The following PRKD1 variants were observed in gnomAD, a reference collection of about 807,000 sequenced individuals.
The protein encoded by PRKD1 is protein kinase D1, also known as serine/threonine-protein kinase D1.
A neutral mutation model predicts 95.9 loss-of-function variants in PRKD1; 63 were observed. That is an observed-to-expected ratio of 0.66 (90% confidence interval 0.54 to 0.81). The LOEUF is 0.81. PRKD1 is among the 30% of genes least tolerant of loss of function. The pLI, the probability that PRKD1 is intolerant of heterozygous loss-of-function variation, is 0.00. For synonymous variants in PRKD1, 425 were observed against 423.1 expected, an observed-to-expected ratio of 1.00 and a Z score of -0.05; for missense variants, 1,048 against 1,165.3, an observed-to-expected ratio of 0.90 and a Z score of 1.47.
In PRKD1 at chr14:29,578,303, T is replaced by C. The variant is rs747255084; in HGVS notation, c.2492A>G (p.Asp831Gly). The change falls in exon 17 of 18, where the codon GAT (aspartate) becomes GGT (glycine). Residue 831 changes from aspartate (D) to glycine (G), a missense_variant. This residue lies in a region of PRKD1 where 739 missense variants were observed against 861.9 expected (regional missense o/e 0.86). Coordinates refer to ENST00000331968, the MANE Select transcript of PRKD1 (RefSeq NM_002742.3). ...QVKMRKRYSVDKTLSHPWLQD... is the reference protein window; with the variant it reads ...QVKMRKRYSVGKTLSHPWLQD... ...TAGCCAAGGGTGGCTCAAGGTCTTA[T>C]CCACACTGTAGCGCTTTCTCATTTT... 3 of 1,611,006 alleles carry C rather than the reference T, an allele frequency of 1.9e-6. No individual in the cohort carries two copies. The highest frequency in any genetic ancestry group is 2.2e-5 in the East Asian group (1 of 44,768).
chr14:29,682,853 G>T (rs766131695), intron 2 of PRKD1, among the ~76,000 whole-genome samples: 2 of 152,188 alleles, frequency 1.3e-5, no homozygotes, highest in Non-Finnish European at 2.9e-5. Flanking sequence ...TAGACAGAAA[G>T]ACATGCCCAG....
At chr14:29,789,623 G>A (rs1889443371) in intron 1 of PRKD1, among the ~76,000 whole-genome samples, 1 of 152,190 alleles carries the variant, frequency 6.6e-6, no homozygotes, top group African/African-American at 2.4e-5. Flanking sequence ...GAATGCCAAT[G>A]GTGGCAGGCT....
At chr14:29,832,845 G>A (rs1393200297) in intron 1 of PRKD1, among the ~76,000 whole-genome samples, 1 of 151,954 alleles carries the variant, frequency 6.6e-6, no homozygotes, top group African/African-American at 2.4e-5. Context: ...GGCTCCCAGT[G>A]ACGTACTAGT....
chr14:29,603,056 T>A (rs909977449), intron 13 of PRKD1, among the ~76,000 whole-genome samples: 4 of 152,198 alleles, frequency 2.6e-5, no homozygotes, highest in African/African-American at 4.8e-5. Flanking sequence ...TACAAATTTT[T>A]AAAAATACAT....
At chr14:29,782,712 T>C (rs940171369) in intron 1 of PRKD1, among the ~76,000 whole-genome samples, 4 of 151,792 alleles carry the variant, frequency 2.6e-5, no homozygotes, top group Non-Finnish European at 5.9e-5. Flanking sequence ...GCTAATTTTT[T>C]TTCTTTTTTT....
intron 1 of PRKD1, among the ~76,000 whole-genome samples, chr14:29,728,829 G>A (rs1314466247): frequency 1.3e-5 from 2 of 152,210 alleles, no homozygotes; most frequent in East Asian, 3.9e-4. Flanking sequence ...ATAAATTCAT[G>A]TTTGAGCTGT....
At chr14:29,683,086 G>A (rs1883626460) in intron 2 of PRKD1, among the ~76,000 whole-genome samples, 1 of 152,168 alleles carries the variant, frequency 6.6e-6, no homozygotes, top group Non-Finnish European at 1.5e-5. Flanking sequence ...ATCATGGCCA[G>A]GTTACTGGAA....
chr14:29,641,532 C>T (rs542547591), intron 4 of PRKD1, among the ~76,000 whole-genome samples: 16 of 152,056 alleles, frequency 1.1e-4, no homozygotes, highest in African/African-American at 2.9e-4. Flanking sequence ...CTTGGGAAAG[C>T]GAGAGTGGAG....
At chr14:29,787,362 C>T (rs1387701445) in intron 1 of PRKD1, among the ~76,000 whole-genome samples, 1 of 151,568 alleles carries the variant, frequency 6.6e-6, no homozygotes, top group East Asian at 1.9e-4. Flanking sequence ...ATATATAGTG[C>T]AGATTAAGTC....
At position 29,676,176 on chromosome 14, in the gene PRKD1, CGTTTTTG is replaced by C. The variant is rs1369134463; in HGVS notation, c.404-9975_404-9969del. On this transcript the variant is annotated intron_variant, in intron 2 of 17. Coordinates refer to ENST00000331968, the MANE Select transcript of PRKD1 (RefSeq NM_002742.3). ...TGCTGTAGGCATGCATAGTTCATTA[CGTTTTTG>C]TTTTTTTTTTTTTTTTTTTTGCTGA... is the stretch of plus-strand genomic sequence containing the variant. Among the ~76,000 whole-genome samples the C allele has an allele frequency of 1.3e-4, 8 of 62,238 alleles. 1 individual carries two copies. Among genetic ancestry groups the C allele is most frequent in the African/African-American group, 7.4e-4 (8 of 10,806 alleles). 40.8% of individuals were successfully genotyped at this position (62,238 alleles called of 152,430 possible).
intron 2 of PRKD1, among the ~76,000 whole-genome samples, chr14:29,690,133 A>G (rs1884143720): frequency 6.7e-6 from 1 of 149,546 alleles, no homozygotes; most frequent in Non-Finnish European, 1.5e-5. Context: ...GTTGAAGGAA[A>G]AAACAAAAAG....
chr14:29,715,543 G>T (rs1422919508), intron 2 of PRKD1, among the ~76,000 whole-genome samples: 1 of 152,068 alleles, frequency 6.6e-6, no homozygotes, highest in Middle Eastern at 3.2e-3. Flanking sequence ...GGAATTTCAT[G>T]CTTTTGTAAC....
intron 1 of PRKD1, among the ~76,000 whole-genome samples, chr14:29,855,336 T>C (rs2139347184): frequency 6.6e-6 from 1 of 152,294 alleles, no homozygotes; most frequent in East Asian, 1.9e-4. Context: ...GACCTGGATA[T>C]GAGACCTGGG....
intron 1 of PRKD1, among the ~76,000 whole-genome samples, chr14:29,731,636 A>G (rs924401171): frequency 2.0e-5 from 3 of 152,198 alleles, no homozygotes; most frequent in Non-Finnish European, 4.4e-5. Flanking sequence ...ATAAACAATG[A>G]AACTTGGTAC....
chr14:29,926,455 G>A (rs1566675642), intron 1 of PRKD1, among the ~76,000 whole-genome samples: 2 of 152,142 alleles, frequency 1.3e-5, no homozygotes, highest in Non-Finnish European at 2.9e-5. Flanking sequence ...AAACAGTGGT[G>A]GGTGGGCTGA....
At chr14:29,714,428 GAA>G (rs1885495511) in intron 2 of PRKD1, among the ~76,000 whole-genome samples, 1 of 152,182 alleles carries the variant, frequency 6.6e-6, no homozygotes, top group Non-Finnish European at 1.5e-5. Context: ...ACACCAGTTA[GAA>G]TAGCAATCAT....
intron 2 of PRKD1, among the ~76,000 whole-genome samples, chr14:29,669,111 C>T (rs1882693771): frequency 6.6e-6 from 1 of 152,056 alleles, no homozygotes; most frequent in African/African-American, 2.4e-5. Flanking sequence ...ACACACAACC[C>T]CTTGTAACAT....
intron 2 of PRKD1, among the ~76,000 whole-genome samples, chr14:29,691,137 G>A (rs1157595350): frequency 1.3e-5 from 2 of 152,114 alleles, no homozygotes; most frequent in Non-Finnish European, 2.9e-5. Flanking sequence ...AATGCAGGGC[G>A]AGAAAGAGCC....
chr14:29,722,942 A>C (rs1885968089), intron 2 of PRKD1, among the ~76,000 whole-genome samples: 1 of 152,132 alleles, frequency 6.6e-6, no homozygotes, highest in Non-Finnish European at 1.5e-5. Context: ...TACAGTGAAA[A>C]AGTCAGGGAA....
Sources: allele counts gnomAD v4.1 joint callset (sites outside exome capture counted in the v4.1 genomes callset), GRCh38; gene constraint gnomAD v4.1.1; regional missense constraint gnomAD v4.1.1; transcripts MANE v1.5; gene names NCBI Gene and HGNC (gene_info 2026-07-23, HGNC 2026-07-21).